PBX3: variants seen among roughly 807,000 people sequenced by gnomAD.
PBX3 encodes the protein pre-B-cell leukemia transcription factor 3.
PBX3 carries 14 observed loss-of-function variants against 48.5 expected under a neutral mutation model. The ratio of observed to expected loss-of-function variants is 0.29; its 90% CI spans 0.19 to 0.45. PBX3 has a LOEUF of 0.45. PBX3 is among the 20% of genes least tolerant of loss of function. The probability of loss-of-function intolerance (pLI) is 1.00; values close to 1 mark genes in which losing one functional copy is unlikely to be tolerated. For synonymous variants in PBX3, 210 were observed against 200.3 expected, an observed-to-expected ratio of 1.05 and a Z score of -0.41; for missense variants, 386 against 546.7, an observed-to-expected ratio of 0.71 and a Z score of 2.93.
At chr9:125,786,361 C>T (rs1049450082) in intron 2 of PBX3, among the ~76,000 whole-genome samples, 1 of 152,058 alleles carries the variant, frequency 6.6e-6, no homozygotes, top group Non-Finnish European at 1.5e-5. Flanking sequence ...CCAATGGGCA[C>T]AAAGTACAAG....
chr9:125,963,700 C>T (rs1215555442), intron 8 of PBX3, among the ~76,000 whole-genome samples: 2 of 152,046 alleles, frequency 1.3e-5, no homozygotes, highest in Non-Finnish European at 2.9e-5. Context: ...GGCAGGGGAG[C>T]AGGTCATCGT....
intron 5 of PBX3, among the ~76,000 whole-genome samples, chr9:125,952,232 T>A (rs1465781285): frequency 2.0e-5 from 3 of 152,162 alleles, no homozygotes; most frequent in African/African-American, 7.2e-5. Flanking sequence ...CTTCATAAAT[T>A]TTCAGTTTGT....
intron 2 of PBX3, among the ~76,000 whole-genome samples, chr9:125,823,175 C>G (rs865948818): frequency 6.6e-6 from 1 of 152,088 alleles, no homozygotes; most frequent in African/African-American, 2.4e-5. Context: ...AGTGGAGAAA[C>G]GAACATTCTC....
At chr9:125,774,599 A>G (rs1430599378) in intron 2 of PBX3, among the ~76,000 whole-genome samples, 3 of 151,714 alleles carry the variant, frequency 2.0e-5, no homozygotes, top group Non-Finnish European at 4.4e-5. Flanking sequence ...TGGCTGAGTA[A>G]TATTTCATTG....
chr9:125,904,256 C>T (rs1270363560), intron 2 of PBX3, among the ~76,000 whole-genome samples: 1 of 151,718 alleles, frequency 6.6e-6, no homozygotes, highest in Non-Finnish European at 1.5e-5. Context: ...TGTTTACATC[C>T]ACCTGGAGTC....
At chr9:125,931,425 C>T (rs554551198) in intron 4 of PBX3, among the ~76,000 whole-genome samples, 2 of 152,148 alleles carry the variant, frequency 1.3e-5, no homozygotes, top group South Asian at 4.2e-4. Context: ...GCTTCTGCCT[C>T]CCGAGTAGCT....
chr9:125,758,824 C>T (rs1836588425), intron 2 of PBX3, among the ~76,000 whole-genome samples: 1 of 150,434 alleles, frequency 6.6e-6, no homozygotes, highest in African/African-American at 2.5e-5. Context: ...ACATGCATTT[C>T]TTTAAAAAAA....
chr9:125,870,106 A>C (rs899074589), intron 2 of PBX3, among the ~76,000 whole-genome samples: 3 of 149,546 alleles, frequency 2.0e-5, no homozygotes, highest in African/African-American at 7.5e-5. Context: ...CAGTAGCACT[A>C]TCTCAGCTCA....
At chr9:125,900,136 A>AT (rs1384540505) in intron 2 of PBX3, among the ~76,000 whole-genome samples, 1 of 151,166 alleles carries the variant, frequency 6.6e-6, no homozygotes, top group African/African-American at 2.4e-5. Flanking sequence ...GACATGATTT[A>AT]TTTTGCCTCT....
At chr9:125,804,032 G>C (rs980912982) in intron 2 of PBX3, among the ~76,000 whole-genome samples, 1 of 152,138 alleles carries the variant, frequency 6.6e-6, no homozygotes, top group Non-Finnish European at 1.5e-5. Context: ...GAGCATCTTT[G>C]TTGTGATTTT....
chr9:125,753,932 G>A (rs1448564547), intron 2 of PBX3, among the ~76,000 whole-genome samples: 2 of 151,948 alleles, frequency 1.3e-5, no homozygotes, highest in African/African-American at 4.8e-5. Flanking sequence ...CGTATTAGTT[G>A]GATTATTTAT....
intron 2 of PBX3, among the ~76,000 whole-genome samples, chr9:125,801,412 CTTTTA>C (rs1366702405): frequency 6.6e-6 from 1 of 152,124 alleles, no homozygotes; most frequent in Non-Finnish European, 1.5e-5. Flanking sequence ...ACTCTGGCTC[CTTTTA>C]TTTTATGGAG....
chr9:125,889,491 C>G (rs1343930224), intron 2 of PBX3, among the ~76,000 whole-genome samples: 1 of 152,178 alleles, frequency 6.6e-6, no homozygotes, highest in Non-Finnish European at 1.5e-5. Flanking sequence ...ATTTTCTTTC[C>G]TCAGTAGTTT....
intron 2 of PBX3, among the ~76,000 whole-genome samples, chr9:125,778,070 C>T (rs1256377856): frequency 6.6e-6 from 1 of 150,970 alleles, no homozygotes; most frequent in Non-Finnish European, 1.5e-5. Flanking sequence ...AAGCGATTCT[C>T]CTGCCTCAGC....
rs1209885091 is a variant in PBX3, at chr9:125,940,059, G to A, written c.843+4452G>A. On this transcript the variant is annotated intron_variant, in intron 5 of 8. Transcript: ENST00000373489. ...TAGCCGAGTGTGATGGTGCATGCATGTAATCCCACCTATTCGGGAGGCTGA... is the reference window on the plus strand; with the variant it reads ...TAGCCGAGTGTGATGGTGCATGCATATAATCCCACCTATTCGGGAGGCTGA... 3.9e-5 allele frequency among the ~76,000 whole-genome samples: 6 copies of A among 152,144 alleles called. No individual in the cohort carries two copies. In the East Asian group the frequency reaches 1.2e-3, roughly 29 times the overall value.
In PBX3 at chr9:125,781,642, C is replaced by G. The variant is rs541167085; in HGVS notation, c.274+33019C>G. Among the ~76,000 whole-genome samples, 32 of 152,090 alleles carry G rather than the reference C, an allele frequency of 2.1e-4. No individual in the cohort carries two copies. The South Asian group carries it at 5.6e-3, about 27-fold the overall frequency. ...GCAGAACCTGATCTTTTCAAAGAAA[C>G]AAATTTTGGTCTTATTGATTCTTTC... On this transcript the variant is annotated intron_variant, in intron 2 of 8. Coordinates refer to ENST00000373489, the MANE Select transcript of PBX3 (RefSeq NM_006195.6).
At chr9:125,790,844 G>A (rs972869386) in intron 2 of PBX3, among the ~76,000 whole-genome samples, 2 of 151,846 alleles carry the variant, frequency 1.3e-5, no homozygotes, top group South Asian at 2.1e-4. Flanking sequence ...GTGAGCCACC[G>A]TTCCCTGCTG....
chr9:125,756,665 A>G (rs896036414), intron 2 of PBX3, among the ~76,000 whole-genome samples: 3 of 152,182 alleles, frequency 2.0e-5, no homozygotes, highest in African/African-American at 7.2e-5. Flanking sequence ...CACAGCTGCC[A>G]TGCATGCATA....
At chr9:125,914,468 G>T (rs1841278934) in intron 2 of PBX3, among the ~76,000 whole-genome samples, 2 of 152,170 alleles carry the variant, frequency 1.3e-5, no homozygotes, top group South Asian at 4.1e-4. Flanking sequence ...GTTCTTAAAA[G>T]AATTGACGGT....
Sources: gnomAD v4.1 joint callset for allele counts (sites outside exome capture counted in the v4.1 genomes callset) on GRCh38, gnomAD v4.1.1 for gene constraint, MANE v1.5 for transcripts, NCBI Gene and HGNC (gene_info 2026-07-23, HGNC 2026-07-21) for gene names.